NAALADL2: variants seen among roughly 807,000 people sequenced by gnomAD.
NAALADL2 encodes the protein inactive N-acetylated-alpha-linked acidic dipeptidase-like protein 2.
NAALADL2 carries 76 observed loss-of-function variants against 87.2 expected under a neutral mutation model. The observed-to-expected ratio is 0.87, with a 90% CI of 0.72 to 1.05. The LOEUF (loss-of-function observed/expected upper bound fraction) is 1.05, where lower values mean the gene tolerates loss of function less well. Among genes scored for constraint, NAALADL2 ranks in the 50% least tolerant of loss-of-function variants. NAALADL2 has a pLI of 0.00. For missense variants in NAALADL2, 1,089 were observed against 945.8 expected (o/e 1.15, Z -1.99); for synonymous variants, 354 against 331.0 (o/e 1.07, Z -0.75).
intron 10 of NAALADL2, among the ~76,000 whole-genome samples, chr3:175,591,809 T>C (rs1259607103): frequency 3.9e-4 from 56 of 142,672 alleles, no homozygotes; most frequent in Non-Finnish European, 6.0e-4. Flanking sequence ...TATATATATA[T>C]ATATATATAT....
At chr3:174,790,663 G>A (rs1231622012) in intron 3 of NAALADL2, among the ~76,000 whole-genome samples, 7 of 149,086 alleles carry the variant, frequency 4.7e-5, no homozygotes, top group East Asian at 2.0e-4. Context: ...AAAAAAAAAT[G>A]TGCGTAAGTA....
At chr3:174,950,902 C>T (rs1740248703) in intron 1 of NAALADL2, among the ~76,000 whole-genome samples, 1 of 152,016 alleles carries the variant, frequency 6.6e-6, no homozygotes, top group East Asian at 1.9e-4. Context: ...TTATATCTAT[C>T]TCTTTATTCA....
chr3:174,472,108 T>C (rs540282160), intron 1 of NAALADL2, among the ~76,000 whole-genome samples: 148 of 152,300 alleles, frequency 9.7e-4, no homozygotes, highest in African/African-American at 3.3e-3. Flanking sequence ...TAGTCAGTGA[T>C]CATATCTGTA....
intron 5 of NAALADL2, among the ~76,000 whole-genome samples, chr3:175,424,262 A>G (rs1484979235): frequency 5.3e-5 from 8 of 152,174 alleles, no homozygotes; most frequent in African/African-American, 1.9e-4. Flanking sequence ...CTTTAGCTTA[A>G]TTAGATCCCA....
chr3:175,094,756 T>TGTGTG (rs747838814), intron 1 of NAALADL2, among the ~76,000 whole-genome samples: 9,252 of 129,786 alleles, frequency 0.071, 334 homozygotes, highest in Non-Finnish European at 0.085. Context: ...CCAGACACTA[T>TGTGTG]AGTGTGTGTG....
At chr3:174,847,655 T>C (rs1209709449) in intron 3 of NAALADL2, among the ~76,000 whole-genome samples, 2 of 152,150 alleles carry the variant, frequency 1.3e-5, no homozygotes, top group Non-Finnish European at 2.9e-5. Flanking sequence ...ATTATCTCAT[T>C]TGATTCCTTC....
rs559958656 is a variant in NAALADL2 at position 174,847,440 on chromosome 3, A to G, written c.-9+109694A>G. On this transcript the variant is annotated intron_variant, in intron 3 of 3. Transcript: ENST00000434257. Reference sequence around the variant, plus strand: ...AAACTTTATCACTCTTATCCTATTGATGGCTTTATTATAATCAAGAAATAA... The same window carrying G: ...AAACTTTATCACTCTTATCCTATTGGTGGCTTTATTATAATCAAGAAATAA... 3.6e-3 allele frequency among the ~76,000 whole-genome samples: 549 copies of G among 152,270 alleles called. 3 individuals carry two copies. The highest frequency in any genetic ancestry group is 0.02 in the Middle Eastern group (6 of 294).
intron 1 of NAALADL2, among the ~76,000 whole-genome samples, chr3:174,885,446 G>C (rs935862262): frequency 6.6e-6 from 1 of 152,032 alleles, no homozygotes; most frequent in Non-Finnish European, 1.5e-5. Context: ...TATGTTCCTT[G>C]GTTCTCCACA....
At chr3:175,791,172 A>G (rs974343534) in intron 13 of NAALADL2, among the ~76,000 whole-genome samples, 2 of 152,246 alleles carry the variant, frequency 1.3e-5, no homozygotes, top group Non-Finnish European at 2.9e-5. Context: ...AAAATGTGCT[A>G]TATAGCGGGG....
rs528170539 is a variant in NAALADL2 at position 174,448,138 on chromosome 3, T to G, written c.-184+7106T>G. On this transcript the variant is annotated intron_variant, in intron 1 of 3. Transcript: ENST00000434257. ...CTCTTCTCATTTTTTGCTTTTTATT[T>G]TGAAATTATTGACATACAGGAATTT... is the stretch of plus-strand genomic sequence containing the variant. Among the ~76,000 whole-genome samples the G allele has an allele frequency of 7.9e-5, 12 of 152,306 alleles. No individual in the cohort carries two copies. In the East Asian group the frequency reaches 2.1e-3, roughly 27 times the overall value.
At chr3:175,217,619 A>C (rs1419378797) in intron 2 of NAALADL2, among the ~76,000 whole-genome samples, 1 of 152,226 alleles carries the variant, frequency 6.6e-6, no homozygotes, top group Non-Finnish European at 1.5e-5. Context: ...AACAGTGTTC[A>C]ATATAATTAT....
chr3:174,597,096 G>A (rs1008524341), intron 2 of NAALADL2, among the ~76,000 whole-genome samples: 2 of 152,106 alleles, frequency 1.3e-5, no homozygotes, highest in Non-Finnish European at 2.9e-5. Context: ...TTTTATTTAT[G>A]GCCATAATTT....
At chr3:175,180,484 G>A (rs921272993) in intron 2 of NAALADL2, among the ~76,000 whole-genome samples, 2 of 151,922 alleles carry the variant, frequency 1.3e-5, no homozygotes, top group African/African-American at 4.8e-5. Context: ...ATCATTGCTA[G>A]TGAAGGCAAG....
chr3:175,592,307 C>CTTTTTTTTTTT (rs758914649), intron 10 of NAALADL2, among the ~76,000 whole-genome samples: 37 of 43,182 alleles, frequency 8.6e-4, no homozygotes, highest in African/African-American at 1.2e-3. Context: ...TTTTTCTTTT[C>CTTTTTTTTTTT]TTTTTTTTTT....
chr3:175,040,376 C>G (rs1484273834), intron 1 of NAALADL2, among the ~76,000 whole-genome samples: 1 of 152,136 alleles, frequency 6.6e-6, no homozygotes, highest in Non-Finnish European at 1.5e-5. Flanking sequence ...GAGCCTGACA[C>G]AAAATAGGCA....
intron 4 of NAALADL2, among the ~76,000 whole-genome samples, chr3:175,305,148 T>C (rs2110253164): frequency 6.6e-6 from 1 of 152,236 alleles, no homozygotes; most frequent in South Asian, 2.1e-4. Context: ...AATAATATGG[T>C]CAATAAGAAT....
At chr3:175,331,752 G>T (rs1761426659) in intron 5 of NAALADL2, among the ~76,000 whole-genome samples, 1 of 152,184 alleles carries the variant, frequency 6.6e-6, no homozygotes, top group South Asian at 2.1e-4. Flanking sequence ...GTCCTAGCCA[G>T]AGCAGTCAGG....
chr3:175,535,579 A>G (rs1365081337), intron 9 of NAALADL2, among the ~76,000 whole-genome samples: 1 of 152,228 alleles, frequency 6.6e-6, no homozygotes, highest in Non-Finnish European at 1.5e-5. Flanking sequence ...TGACTTGCCA[A>G]TCCAGTTCTA....
At position 175,306,255 on chromosome 3, in the gene NAALADL2, T is replaced by C. The variant is rs951025621; in HGVS notation, c.940-17920T>C. The stretch of plus-strand genomic sequence containing the variant: ...GGTAAAAAGTACATTGCTACATTAA[T>C]GATGAAAATGATGCTATTTTACATA... On this transcript the variant is annotated intron_variant, in intron 4 of 13. Transcript: ENST00000454872. Among the ~76,000 whole-genome samples the C allele has an allele frequency of 2.6e-5, 4 of 152,282 alleles. No homozygotes were observed. In the East Asian group the frequency reaches 7.7e-4, roughly 29 times the overall value.
Sources: allele counts gnomAD v4.1 joint callset (sites outside exome capture counted in the v4.1 genomes callset), GRCh38; gene constraint gnomAD v4.1.1; transcripts MANE v1.5; gene names NCBI Gene and HGNC (gene_info 2026-07-23, HGNC 2026-07-21).